KLHDC8A: variants seen among roughly 807,000 people sequenced by gnomAD.
The protein encoded by KLHDC8A is kelch domain-containing protein 8A.
Under a neutral mutation model 33.1 loss-of-function variants are expected in KLHDC8A, and 21 were observed. The observed-to-expected ratio is 0.64, with a 90% CI of 0.45 to 0.91. The LOEUF (loss-of-function observed/expected upper bound fraction) is 0.91. KLHDC8A is among the 40% of genes least tolerant of loss of function. KLHDC8A has a pLI of 0.00. For missense variants in KLHDC8A, 435 were observed against 483.3 expected, an observed-to-expected ratio of 0.90 and a Z score of 0.94; for synonymous variants, 173 against 193.5, an observed-to-expected ratio of 0.89 and a Z score of 0.88.
rs370879910 is a variant in KLHDC8A, at chr1:205,351,028, G to A, written c.-190+5505C>T. Among the ~76,000 whole-genome samples, 24 of 152,284 alleles carry A rather than the reference G, an allele frequency of 1.6e-4. 1 individual carries two copies. The highest frequency in any genetic ancestry group is 5.5e-4 in the African/African-American group (23 of 41,562). On this transcript the variant is annotated intron_variant, in intron 1 of 5. Transcript: ENST00000367155. Reference sequence around the variant, plus strand: ...AAAGGCTGGCCTGCTCACCCTCACCGGAGTCCCTCTTCCTAGGAAAACTGC... The same window carrying A: ...AAAGGCTGGCCTGCTCACCCTCACCAGAGTCCCTCTTCCTAGGAAAACTGC...
Position 205,343,543 on chromosome 1 carries a change from C to T in KLHDC8A, c.62G>A (p.Arg21Gln). The T allele has an allele frequency of 6.2e-7, 1 of 1,612,632 alleles. No individual in the cohort carries two copies. Among genetic ancestry groups the T allele is most frequent in the Non-Finnish European group, 8.5e-7 (1 of 1,179,524 alleles). ...GGTCTCCAGCAGGGAGCAGTAGACCCGGCGGCTGGGCAGTGGCGCCAGGCG... is the reference window on the plus strand; with the variant it reads ...GGTCTCCAGCAGGGAGCAGTAGACCTGGCGGCTGGGCAGTGGCGCCAGGCG... Reference protein sequence around the residue: ...WKRLAPLPSRRVYCSLLETGG... With the variant: ...WKRLAPLPSRQVYCSLLETGG... The change falls in exon 2 of 6, where the codon CGG (arginine) becomes CAG (glutamine). Residue 21 changes from arginine (R) to glutamine (Q), a missense_variant. Transcript: ENST00000367155.
At chr1:205,348,125 G>A (rs367690728) in intron 1 of KLHDC8A, among the ~76,000 whole-genome samples, 8 of 152,224 alleles carry the variant, frequency 5.3e-5, no homozygotes, top group African/African-American at 1.2e-4. Flanking sequence ...TGTCTGGTAG[G>A]CATTCAGCAG....
intron 1 of KLHDC8A, among the ~76,000 whole-genome samples, chr1:205,355,066 C>T (rs538028897): frequency 7.9e-5 from 12 of 152,314 alleles, no homozygotes; most frequent in African/African-American, 2.2e-4. Context: ...GACCCAAACG[C>T]TGGTCTCAGG....
At chr1:205,350,275 C>A (rs886511909) in intron 1 of KLHDC8A, among the ~76,000 whole-genome samples, 1 of 152,142 alleles carries the variant, frequency 6.6e-6, no homozygotes, top group African/African-American at 2.4e-5. Flanking sequence ...GCAGCTGTGG[C>A]GAATGGGCTG....
At chr1:205,352,800 G>T (rs998292196) in intron 1 of KLHDC8A, among the ~76,000 whole-genome samples, 1 of 152,242 alleles carries the variant, frequency 6.6e-6, no homozygotes, top group Non-Finnish European at 1.5e-5. Context: ...CAGTGAAGGA[G>T]GGAGTGGCAG....
rs187342485 is a variant in KLHDC8A at position 205,342,897 on chromosome 1, G to A, written c.376+332C>T. Among the ~76,000 whole-genome samples, 25 of 152,260 alleles carry A rather than the reference G, an allele frequency of 1.6e-4. No individual in the cohort carries two copies. The East Asian group carries it at 4.6e-3, about 28-fold the overall frequency. On this transcript the variant is annotated intron_variant, in intron 2 of 5. Transcript: ENST00000367155. ...CTCCACTGAGCGTCTCTGAGATTGGGAGGCAGAGGGGCAGGTTGAAGGTGG... is the reference window on the plus strand; with the variant it reads ...CTCCACTGAGCGTCTCTGAGATTGGAAGGCAGAGGGGCAGGTTGAAGGTGG...
chr1:205,344,573 G>A (rs563764369), intron 1 of KLHDC8A: 3 of 152,276 alleles, frequency 2.0e-5, no homozygotes, highest in Non-Finnish European at 4.4e-5. Flanking sequence ...GAGGCGGAGA[G>A]TCCAATTACC....
At chr1:205,338,467 A>T in intron 5 of KLHDC8A, 28 bp downstream of exon 5, 2 of 1,558,214 alleles carry the variant, frequency 1.3e-6, no homozygotes, top group Non-Finnish European at 1.8e-6. Context: ...AACCACAATA[A>T]ATTCCAGCGT....
In KLHDC8A at chr1:205,339,422, G is replaced by C; in HGVS notation, c.542-13C>G. ...GACTGTCGTCCCCCTGGGGGCCAGA[G>C]CAGGATAGAGGTTGGGCAGAAGGGT... On this transcript the variant is annotated splice_polypyrimidine_tract_variant and intron_variant, in intron 3 of 5. Transcript: ENST00000367155. The surrounding 1 kb of genome is among the most constrained non-coding windows in gnomAD (Gnocchi z 5.1). 6.2e-7 allele frequency: 1 copy of C among 1,610,402 alleles called. No individual in the cohort carries two copies. Among genetic ancestry groups the C allele is most frequent in the African/African-American group, 1.3e-5 (1 of 74,990 alleles).
intron 2 of KLHDC8A, among the ~76,000 whole-genome samples, chr1:205,340,771 G>A (rs1382810515): frequency 1.3e-5 from 2 of 152,184 alleles, no homozygotes; most frequent in African/African-American, 4.8e-5. Context: ...CACCACGCCT[G>A]GCTTCAATGA....
chr1:205,354,864 C>CT (rs1363463802), intron 1 of KLHDC8A, among the ~76,000 whole-genome samples: 1 of 152,230 alleles, frequency 6.6e-6, no homozygotes, highest in African/African-American at 2.4e-5. Flanking sequence ...TGATAATTTA[C>CT]GTAAGTCTCT....
chr1:205,356,304 G>A (rs943025233), intron 1 of KLHDC8A, among the ~76,000 whole-genome samples: 3 of 152,180 alleles, frequency 2.0e-5, no homozygotes, highest in Non-Finnish European at 2.9e-5. Context: ...AATCTTTGGA[G>A]TTAATTAGCT....
Position 205,343,360 on chromosome 1 carries a change from A to T in KLHDC8A, c.245T>A (p.Met82Lys), listed in dbSNP as rs778546900. 1 of 1,613,618 alleles carries T rather than the reference A, an allele frequency of 6.2e-7. No individual in the cohort carries two copies. Among genetic ancestry groups the T allele is most frequent in the Non-Finnish European group, 8.5e-7 (1 of 1,179,968 alleles). Residue 82 changes from methionine (M) to lysine (K), a missense_variant, in exon 2 of 6, where the codon ATG (methionine) becomes AAG (lysine). Met to Lys is a moderately conservative substitution (Grantham distance 95). Coordinates refer to ENST00000367155, the MANE Select transcript of KLHDC8A (RefSeq NM_018203.3). ...VAVTALGKRI[M>K]VIGGVGTNQL... ...ATTGGTGCCCACGCCCCCAATCACC[A>T]TGATCCGCTTCCCCAGGGCGGTGAC...
rs1662638604 is a variant in KLHDC8A, at chr1:205,336,560, A to G, written c.*839T>C. On this transcript the variant is annotated 3_prime_UTR_variant, in exon 6 of 6. Coordinates refer to ENST00000367155, the MANE Select transcript of KLHDC8A (RefSeq NM_018203.3). ...AATCATTGTGCTGCTGCTATTAACC[A>G]GAGTGCAATTAATCCATCTTTTGTG... is the stretch of plus-strand genomic sequence containing the variant. 6.5e-6 allele frequency: 1 copy of G among 152,706 alleles called. No homozygotes were observed. The allele number at this position is 152,706 out of a possible 1,614,324, so 9.5% of individuals were successfully genotyped here.
intron 1 of KLHDC8A, among the ~76,000 whole-genome samples, chr1:205,349,063 A>G (rs1663022033): frequency 1.3e-5 from 2 of 152,180 alleles, no homozygotes; most frequent in Non-Finnish European, 2.9e-5. Context: ...CCCCCAGCAT[A>G]GAGAAGCCTC....
intron 1 of KLHDC8A, 140 bp downstream of exon 1, chr1:205,356,393 C>A: frequency 2.6e-6 from 1 of 383,466 alleles, no homozygotes; most frequent in South Asian, 1.9e-5. Context: ...CCTTGGAGAC[C>A]CTTGTCCCTC....
At chr1:205,343,195 C>G (rs753142967) in intron 2 of KLHDC8A, 34 bp downstream of exon 2, 1 of 1,543,230 alleles carries the variant, frequency 6.5e-7, no homozygotes, top group Admixed American at 1.9e-5. Flanking sequence ...CCACTTCCTT[C>G]TCTCTGGCCG....
Position 205,337,322 on chromosome 1 carries a change from C to T in KLHDC8A, c.*77G>A, listed in dbSNP as rs535656899. The stretch of plus-strand genomic sequence containing the variant: ...CTGACATTCTTGGAAGTAGCCCCGA[C>T]TGCTTGGACAAGATCATTCCTCATG... On this transcript the variant is annotated 3_prime_UTR_variant, in exon 6 of 6. Coordinates refer to ENST00000367155, the MANE Select transcript of KLHDC8A (RefSeq NM_018203.3). 346 of 1,270,762 alleles carry T rather than the reference C, an allele frequency of 2.7e-4. 1 individual carries two copies. The highest frequency in any genetic ancestry group is 2.6e-4 in the Middle Eastern group (1 of 3,786). 78.7% of individuals were successfully genotyped at this position (1,270,762 alleles called of 1,614,324 possible).
At chr1:205,351,330 A>T in intron 1 of KLHDC8A, 1 of 923,562 alleles carries the variant, frequency 1.1e-6, no homozygotes, top group East Asian at 2.4e-5. Context: ...GACATGTCCA[A>T]GGAATATTGC....
Sources: allele counts gnomAD v4.1 joint callset (sites outside exome capture counted in the v4.1 genomes callset), GRCh38; gene constraint gnomAD v4.1.1; non-coding constraint Gnocchi (gnomAD v3.1); transcripts MANE v1.5; gene names NCBI Gene and HGNC (gene_info 2026-07-23, HGNC 2026-07-21).